Variants in PDZD2 observed in about 807,000 individuals in gnomAD.
PDZD2 encodes PDZ domain containing 2, also known as PDZ domain-containing protein 2.
PDZD2 carries 90 observed loss-of-function variants against 220.7 expected under a neutral mutation model. That is an observed-to-expected ratio of 0.41 (90% CI 0.34 to 0.49). The LOEUF is 0.49. Among genes scored for constraint, PDZD2 ranks in the 20% least tolerant of loss-of-function variants. The probability of loss-of-function intolerance (pLI) is 0.28; values close to 1 mark genes in which losing one functional copy is unlikely to be tolerated. For missense variants in PDZD2, 3,174 were observed against 3,608.5 expected (o/e 0.88, Z 3.08); for synonymous variants, 1,375 against 1,450.5 (o/e 0.95, Z 1.18).
At chr5:31,947,732 G>A (rs1335996458) in intron 2 of PDZD2, among the ~76,000 whole-genome samples, 1 of 152,146 alleles carries the variant, frequency 6.6e-6, no homozygotes, top group Non-Finnish European at 1.5e-5. Context: ...CTGGAAAATC[G>A]CTTAAACCTG....
At chr5:31,857,130 CG>C (rs1205239251) in intron 2 of PDZD2, among the ~76,000 whole-genome samples, 2 of 151,984 alleles carry the variant, frequency 1.3e-5, no homozygotes, top group Admixed American at 6.6e-5. Flanking sequence ...GGATCATAGG[CG>C]TGAGTCACCA....
chr5:31,840,898 G>T, intron 2 of PDZD2: 1 of 584,498 alleles, frequency 1.7e-6, no homozygotes. Context: ...ATGGACAAAG[G>T]AATAACTCCA....
chr5:31,649,293 CCTT>C (rs1745251360), intron 1 of PDZD2, among the ~76,000 whole-genome samples: 1 of 152,042 alleles, frequency 6.6e-6, no homozygotes, highest in African/African-American at 2.4e-5. Flanking sequence ...TCCTATGACT[CCTT>C]CTCTTAGCAC....
Position 31,861,167 on chromosome 5 carries a change from G to A in PDZD2, c.476+61443G>A, listed in dbSNP as rs1737674626. 2.6e-5 allele frequency among the ~76,000 whole-genome samples: 4 copies of A among 152,158 alleles called. No individual in the cohort carries two copies. The South Asian group carries it at 8.3e-4, about 32-fold the overall frequency. Reference sequence around the variant, plus strand: ...AACTGGCATAGGCATCTTGTCTCCAGCCTTAGGATGCAGCCACTGTGCAGG... The same window carrying A: ...AACTGGCATAGGCATCTTGTCTCCAACCTTAGGATGCAGCCACTGTGCAGG... On this transcript the variant is annotated intron_variant, in intron 2 of 24. Coordinates refer to ENST00000438447, the MANE Select transcript of PDZD2 (RefSeq NM_178140.4).
intron 1 of PDZD2, chr5:31,738,689 G>C (rs1225611413): frequency 6.6e-6 from 1 of 152,024 alleles, no homozygotes; most frequent in Non-Finnish European, 1.5e-5. Flanking sequence ...AGAAAATGTT[G>C]CATGTTTATT....
At chr5:32,063,027 A>ATATTATTATTATTGT (rs1739833295) in intron 14 of PDZD2, among the ~76,000 whole-genome samples, 1 of 142,328 alleles carries the variant, frequency 7.0e-6, no homozygotes, top group African/African-American at 2.6e-5. Flanking sequence ...TGAGAATGAA[A>ATATTATTATTATTGT]TATTATTATT....
At chr5:31,931,866 G>A (rs1472905388) in intron 2 of PDZD2, among the ~76,000 whole-genome samples, 1 of 152,126 alleles carries the variant, frequency 6.6e-6, no homozygotes, top group Non-Finnish European at 1.5e-5. Context: ...ACTCCAGGAG[G>A]GCTGGATGGG....
intron 7 of PDZD2, among the ~76,000 whole-genome samples, chr5:32,044,917 G>A (rs1737785698): frequency 6.6e-6 from 1 of 152,170 alleles, no homozygotes; most frequent in South Asian, 2.1e-4. Context: ...TTGATTCAGT[G>A]CTGTGAAATA....
chr5:31,732,972 G>A (rs895319186), intron 1 of PDZD2, among the ~76,000 whole-genome samples: 6 of 152,128 alleles, frequency 3.9e-5, no homozygotes, highest in African/African-American at 7.2e-5. Context: ...CAGGTGATGC[G>A]CCTGCCTCGG....
chr5:31,822,801 A>G, intron 2 of PDZD2: 1 of 910,928 alleles, frequency 1.1e-6, no homozygotes, highest in Non-Finnish European at 1.7e-6. Context: ...TTCAGATTTC[A>G]ACAGAAGACC....
chr5:31,880,780 C>CTTTT (rs1177280477), intron 2 of PDZD2, among the ~76,000 whole-genome samples: 4 of 42,744 alleles, frequency 9.4e-5, no homozygotes, highest in Non-Finnish European at 2.1e-4. Context: ...AGGTAGCTTT[C>CTTTT]TTTTTTTTTT....
chr5:32,055,603 A>G (rs1161779786), intron 10 of PDZD2, among the ~76,000 whole-genome samples: 1 of 152,188 alleles, frequency 6.6e-6, no homozygotes, highest in Non-Finnish European at 1.5e-5. Context: ...ATTTTTAGTT[A>G]TCTTCAAAAA....
intron 18 of PDZD2, among the ~76,000 whole-genome samples, chr5:32,075,087 C>T (rs1561516759): frequency 6.6e-6 from 1 of 152,180 alleles, no homozygotes; most frequent in Non-Finnish European, 1.5e-5. Context: ...GCTGGGATTA[C>T]AAGCGTGAGC....
At chr5:31,692,240 G>T (rs1369833772) in intron 1 of PDZD2, among the ~76,000 whole-genome samples, 1 of 152,202 alleles carries the variant, frequency 6.6e-6, no homozygotes, top group African/African-American at 2.4e-5. Context: ...CCCGGGGCCG[G>T]TGGGGCCGGC....
intron 1 of PDZD2, among the ~76,000 whole-genome samples, chr5:31,760,232 C>A (rs187691590): frequency 7.2e-5 from 11 of 151,900 alleles, no homozygotes; most frequent in Non-Finnish European, 1.3e-4. Context: ...GGGCACTCAG[C>A]ATGATTCTCA....
chr5:31,714,530 T>C (rs1212254964), intron 1 of PDZD2, among the ~76,000 whole-genome samples: 1 of 152,202 alleles, frequency 6.6e-6, no homozygotes, highest in African/African-American at 2.4e-5. Context: ...ATCCCTGTTA[T>C]GCAACCTCAT....
At chr5:31,860,466 TTC>T (rs1212298650) in intron 2 of PDZD2, among the ~76,000 whole-genome samples, 1 of 152,182 alleles carries the variant, frequency 6.6e-6, no homozygotes, top group Non-Finnish European at 1.5e-5. Flanking sequence ...GTTTCTCCTG[TTC>T]TCTGTATCTT....
At chr5:31,668,721 C>T (rs987655085) in intron 1 of PDZD2, among the ~76,000 whole-genome samples, 2 of 152,032 alleles carry the variant, frequency 1.3e-5, no homozygotes, top group African/African-American at 4.8e-5. Context: ...CTAGGGAAAA[C>T]AAAATAATTC....
intron 3 of PDZD2, among the ~76,000 whole-genome samples, chr5:31,994,276 G>A (rs1286364465): frequency 2.6e-5 from 4 of 151,786 alleles, no homozygotes; most frequent in Non-Finnish European, 4.4e-5. Flanking sequence ...TCAAAGTGCT[G>A]GGATTACAGG....
Sources: gnomAD v4.1 joint callset for allele counts (sites outside exome capture counted in the v4.1 genomes callset) on GRCh38, gnomAD v4.1.1 for gene constraint, MANE v1.5 for transcripts, NCBI Gene and HGNC (gene_info 2026-07-23, HGNC 2026-07-21) for gene names.